OTUD7B: variants seen among roughly 807,000 people sequenced by gnomAD.
OTUD7B encodes OTU domain-containing protein 7B.
OTUD7B carries 34 observed loss-of-function variants against 82.2 expected under a neutral mutation model. That is an observed-to-expected ratio of 0.41 (90% CI 0.31 to 0.55). The LOEUF (loss-of-function observed/expected upper bound fraction) is 0.55. Ranked by LOEUF, OTUD7B falls within the 20% of genes least tolerant of loss-of-function variation. The pLI is 0.20. For missense variants in OTUD7B, 944 were observed against 1,062.1 expected (o/e 0.89, Z 1.55); for synonymous variants, 398 against 402.7 (o/e 0.99, Z 0.14).
chr1:149,969,063 C>A (rs1553777193), intron 3 of OTUD7B, among the ~76,000 whole-genome samples: 1 of 152,096 alleles, frequency 6.6e-6, no homozygotes, highest in Non-Finnish European at 1.5e-5. Flanking sequence ...GTGGCTCACA[C>A]CTGTAATCCC....
chr1:149,978,883 A>T (rs75105115), intron 1 of OTUD7B, among the ~76,000 whole-genome samples: 3,380 of 152,284 alleles, frequency 0.022, 133 homozygotes, highest in African/African-American at 0.077. Context: ...TTGCCCTACC[A>T]TACCCACCAA....
upstream of OTUD7B, among the ~76,000 whole-genome samples, chr1:150,012,623 A>AAGAC (rs58394580): frequency 0.032 from 4,892 of 152,188 alleles, 251 homozygotes; most frequent in African/African-American, 0.11. Flanking sequence ...CCCTCAATAT[A>AAGAC]AGACTTTTTC....
At chr1:150,062,044 T>G in the OTUD7B span, among the ~76,000 whole-genome samples, 1 of 152,334 alleles carries the variant, frequency 6.6e-6, no homozygotes, top group African/African-American at 2.4e-5. Context: ...CACTCAAAAC[T>G]GACAAACTGG....
Position 149,943,938 on chromosome 1 carries a change from GTTGT to G in OTUD7B, c.2447_2450del (p.Asn816ThrfsTer11). The G allele has an allele frequency of 6.2e-7, 1 of 1,614,248 alleles. No homozygotes were observed. Among genetic ancestry groups the G allele is most frequent in the Non-Finnish European group, 8.5e-7 (1 of 1,180,044 alleles). ...CTTCCCTGTAACAACAGGAACAGAAGTTGTTTGTCTCAGGGTGTCCATAGAAGCT... is the reference window on the plus strand; with the variant it reads ...CTTCCCTGTAACAACAGGAACAGAAGTTGTCTCAGGGTGTCCATAGAAGCT... On this transcript the variant is annotated frameshift_variant, in exon 12 of 12. Coordinates refer to ENST00000581312, the MANE Select transcript of OTUD7B (RefSeq NM_020205.4). LOFTEE classifies it high-confidence loss of function.
intron 11 of OTUD7B, among the ~76,000 whole-genome samples, chr1:149,945,698 T>G (rs1353378509): frequency 6.6e-6 from 1 of 152,180 alleles, no homozygotes; most frequent in Admixed American, 6.5e-5. Flanking sequence ...CAGAGGTCTA[T>G]CTACAGAAGA....
At chr1:150,038,117 C>T in the OTUD7B span, among the ~76,000 whole-genome samples, 1 of 151,826 alleles carries the variant, frequency 6.6e-6, no homozygotes, top group East Asian at 1.9e-4. Context: ...CCTCAGCCTC[C>T]CAAAGTGCTA....
chr1:149,972,272 G>A (rs373734362), intron 2 of OTUD7B, among the ~76,000 whole-genome samples: 4 of 152,144 alleles, frequency 2.6e-5, no homozygotes, highest in Non-Finnish European at 4.4e-5. Context: ...ACAATTTTAC[G>A]TCTAAATCAT....
the OTUD7B span, among the ~76,000 whole-genome samples, chr1:150,040,643 A>T: frequency 6.6e-6 from 1 of 151,634 alleles, no homozygotes; most frequent in Non-Finnish European, 1.5e-5. Flanking sequence ...TAACAAATGA[A>T]TTTGTCTCTT....
the OTUD7B span, among the ~76,000 whole-genome samples, chr1:150,029,628 T>C: frequency 6.6e-6 from 1 of 152,186 alleles, no homozygotes; most frequent in Non-Finnish European, 1.5e-5. Flanking sequence ...GTAGAGGTTG[T>C]TCATTCTCTC....
chr1:149,978,316 G>T (rs879243683), intron 1 of OTUD7B, among the ~76,000 whole-genome samples: 1 of 152,122 alleles, frequency 6.6e-6, no homozygotes, highest in African/African-American at 2.4e-5. Context: ...AGACCAGCCT[G>T]GCCAACATGG....
the OTUD7B span, among the ~76,000 whole-genome samples, chr1:150,064,892 T>C: frequency 1.3e-5 from 2 of 152,178 alleles, no homozygotes; most frequent in East Asian, 1.9e-4. Context: ...CTTATTTACA[T>C]ATTCTTTGTT....
At chr1:150,001,251 C>T (rs1166209690) in intron 1 of OTUD7B, among the ~76,000 whole-genome samples, 2 of 152,116 alleles carry the variant, frequency 1.3e-5, no homozygotes, top group Non-Finnish European at 2.9e-5. Flanking sequence ...CTGAACTTTT[C>T]TAAATGTTTG....
the OTUD7B span, among the ~76,000 whole-genome samples, chr1:150,029,014 A>G: frequency 2.0e-5 from 3 of 152,164 alleles, no homozygotes; most frequent in African/African-American, 4.8e-5. Context: ...TATTTTATCA[A>G]TTCATATGCT....
chr1:149,976,612 CAA>C (rs1650332559), intron 2 of OTUD7B, among the ~76,000 whole-genome samples: 2 of 7,482 alleles, frequency 2.7e-4, no homozygotes, highest in African/African-American at 1.4e-3. Context: ...ACTCCGTCTA[CAA>C]AAAAAAAAAA....
At chr1:150,054,527 G>A in the OTUD7B span, 14 of 465,362 alleles carry the variant, frequency 3.0e-5, no homozygotes, top group South Asian at 1.7e-4. Flanking sequence ...GAAGCTGCAG[G>A]CAGGGCATGG....
intron 7 of OTUD7B, among the ~76,000 whole-genome samples, chr1:149,953,319 T>G (rs367665282): frequency 6.6e-6 from 1 of 152,176 alleles, no homozygotes. Context: ...TTTCCCCATT[T>G]CTTGTTTTTG....
intron 1 of OTUD7B, among the ~76,000 whole-genome samples, chr1:149,982,564 G>A (rs11205307): frequency 0.12 from 17,828 of 151,570 alleles, 1,615 homozygotes; most frequent in African/African-American, 0.26. Context: ...GGCTCAGGCA[G>A]TCCTCCCACC....
intron 1 of OTUD7B, among the ~76,000 whole-genome samples, chr1:150,009,690 GAA>G (rs1652897911): frequency 6.6e-6 from 1 of 152,114 alleles, no homozygotes; most frequent in African/African-American, 2.4e-5. Flanking sequence ...CGAGCGGGGA[GAA>G]AGAGACTCTG....
intron 1 of OTUD7B, among the ~76,000 whole-genome samples, chr1:149,982,418 A>G (rs1280575832): frequency 1.3e-5 from 2 of 152,030 alleles, no homozygotes; most frequent in Non-Finnish European, 2.9e-5. Flanking sequence ...GGTTGTGCCT[A>G]TCTCTCGTAT....
Sources: gnomAD v4.1 joint callset for allele counts (sites outside exome capture counted in the v4.1 genomes callset) on GRCh38, gnomAD v4.1.1 for gene constraint, MANE v1.5 for transcripts, NCBI Gene and HGNC (gene_info 2026-07-23, HGNC 2026-07-21) for gene names.